The following CNBD2 variants were observed in gnomAD, a reference collection of about 807,000 sequenced individuals.
CNBD2 encodes cyclic nucleotide binding domain containing 2.
In CNBD2, 64 loss-of-function variants were observed where a neutral mutation model predicts 63.7. The ratio of observed to expected loss-of-function variants is 1.00; its 90% CI spans 0.82 to 1.24. CNBD2 has a LOEUF of 1.24. Ranked by LOEUF, CNBD2 falls within the 50% of genes most tolerant of loss-of-function variation. The pLI, the probability that CNBD2 is intolerant of heterozygous loss-of-function variation, is 0.00. For missense variants in CNBD2, 691 were observed against 713.5 expected (o/e 0.97, Z 0.36); for synonymous variants, 229 against 255.4 (o/e 0.90, Z 0.99).
chr20:35,978,639 C>T (rs552910354), intron 3 of CNBD2, among the ~76,000 whole-genome samples: 83 of 152,264 alleles, frequency 5.5e-4, no homozygotes, highest in African/African-American at 1.9e-3. Context: ...CCACCGTGCC[C>T]GGCCCAATGC....
rs546991034 is a variant in CNBD2 at position 36,004,186 on chromosome 20, A to T, written c.971-4111A>T. On this transcript the variant is annotated intron_variant, in intron 8 of 11. Coordinates refer to ENST00000373973, the MANE Select transcript of CNBD2 (RefSeq NM_001365709.1). Reference sequence around the variant, plus strand: ...CACACTTAATGGGAGGGTATTACACAAGTGTGTGACTAGTAGGAGGTGGGG... The same window carrying T: ...CACACTTAATGGGAGGGTATTACACTAGTGTGTGACTAGTAGGAGGTGGGG... 6.8e-4 allele frequency among the ~76,000 whole-genome samples: 104 copies of T among 152,292 alleles called. 1 individual carries two copies. Among genetic ancestry groups the T allele is most frequent in the Admixed American group, 1.2e-3 (18 of 15,286 alleles).
intron 3 of CNBD2, among the ~76,000 whole-genome samples, chr20:35,978,866 C>CA (rs1413456323): frequency 6.6e-6 from 1 of 152,154 alleles, no homozygotes; most frequent in African/African-American, 2.4e-5. Context: ...GTGGTAAACT[C>CA]AGATGGTGGG....
At chr20:35,984,952 G>A (rs1326518997) in intron 6 of CNBD2, among the ~76,000 whole-genome samples, 174 bp downstream of exon 6, 2 of 151,792 alleles carry the variant, frequency 1.3e-5, no homozygotes, top group African/African-American at 4.8e-5. Flanking sequence ...CTATCCCTTC[G>A]GGTCTCAGCT....
chr20:36,012,172 C>T (rs990287714), intron 10 of CNBD2, among the ~76,000 whole-genome samples: 5 of 152,096 alleles, frequency 3.3e-5, no homozygotes, highest in African/African-American at 9.7e-5. Context: ...TGGTGGCACA[C>T]ACCTGTAATC....
At chr20:35,973,165 T>C (rs999464099) in intron 2 of CNBD2, 3 of 288,130 alleles carry the variant, frequency 1.0e-5, no homozygotes, top group African/African-American at 6.5e-5. Flanking sequence ...CACTCCTCAA[T>C]GTAAAAGGAG....
intron 7 of CNBD2, among the ~76,000 whole-genome samples, chr20:35,993,834 C>CATGCACCA (rs2056781880): frequency 6.6e-6 from 1 of 150,448 alleles, no homozygotes; most frequent in Non-Finnish European, 1.5e-5. Flanking sequence ...GAACTACAGG[C>CATGCACCA]ATGCACCACC....
intron 10 of CNBD2, among the ~76,000 whole-genome samples, chr20:36,022,952 G>A (rs6060759): frequency 6.6e-6 from 1 of 152,018 alleles, no homozygotes; most frequent in African/African-American, 2.4e-5. Context: ...TAAGTCCTAA[G>A]GAAGAGAAAA....
chr20:35,992,173 G>A (rs113408723), intron 7 of CNBD2, among the ~76,000 whole-genome samples: 4,963 of 152,164 alleles, frequency 0.033, 296 homozygotes, highest in African/African-American at 0.11. Context: ...GAACCACCGC[G>A]CCTGGCGGGG....
chr20:35,964,108 C>A (rs1427209594), upstream of CNBD2, among the ~76,000 whole-genome samples: 1 of 152,232 alleles, frequency 6.6e-6, no homozygotes, highest in East Asian at 1.9e-4. Flanking sequence ...CATAACCACA[C>A]CTCCTGAGCA....
At position 35,968,775 on chromosome 20, in the gene CNBD2, A is replaced by G; in HGVS notation, c.13A>G (p.Met5Val). The change falls in exon 1 of 12, where the codon ATG becomes GTG. Residue 5 changes from methionine to valine, a missense_variant. Physicochemically the swap from Met to Val is conservative, Grantham distance 21. Transcript: ENST00000373973. ...CTGCACAGGAACCATGAGGAGACAT[A>G]TGGTAACTTATGCCTGGCAGCTCCT... The part of the protein sequence containing the change: MRRH[M>V]VTYAWQLLKK... 1 of 1,609,110 alleles carries G rather than the reference A, an allele frequency of 6.2e-7. No homozygotes were observed. The highest frequency in any genetic ancestry group is 8.5e-7 in the Non-Finnish European group (1 of 1,178,338).
rs762461577 is a variant in CNBD2 at position 35,980,442 on chromosome 20, T to C, written c.244-17T>C. 5 of 1,613,858 alleles carry C rather than the reference T, an allele frequency of 3.1e-6. No homozygotes were observed. The highest frequency in any genetic ancestry group is 1.3e-5 in the African/African-American group (1 of 75,044). On this transcript the variant is annotated splice_polypyrimidine_tract_variant and intron_variant, in intron 3 of 11. Transcript: ENST00000373973. ...AATTGCTGGGTCCCCTGTATCACTC[T>C]GGTCCTCTCTCCCCAGGGTCACTTT...
intron 10 of CNBD2, among the ~76,000 whole-genome samples, chr20:36,012,036 C>A (rs2794375): frequency 6.6e-6 from 1 of 151,996 alleles, no homozygotes; most frequent in South Asian, 2.1e-4. Flanking sequence ...TGGTGGCTCA[C>A]GCCTGTAATC....
intron 2 of CNBD2, among the ~76,000 whole-genome samples, chr20:35,960,772 CCTTCTCTTCCATTCT>C (rs1601001037): frequency 1.5e-3 from 139 of 92,460 alleles, no homozygotes; most frequent in South Asian, 4.6e-3. Context: ...CCTTCTCTTC[CCTTCTCTTCCATTCT>C]CTTCCCTTCT....
At chr20:35,987,315 G>C (rs1445238526) in intron 6 of CNBD2, 80 bp from the exon 7 acceptor site, 14 of 1,509,594 alleles carry the variant, frequency 9.3e-6, no homozygotes, top group Middle Eastern at 2.2e-4. Flanking sequence ...CAGGAGAAGA[G>C]TATGTGCCCT....
At chr20:36,023,802 C>G in intron 11 of CNBD2, 31 bp downstream of exon 11, 7 of 1,531,204 alleles carry the variant, frequency 4.6e-6, no homozygotes, top group Non-Finnish European at 6.2e-6. Context: ...TAAGTCCCAT[C>G]AGGTGAAATG....
intron 8 of CNBD2, among the ~76,000 whole-genome samples, chr20:35,998,606 C>T (rs1179801628): frequency 6.6e-6 from 1 of 151,858 alleles, no homozygotes; most frequent in East Asian, 2.0e-4. Flanking sequence ...TGGTGGTTCA[C>T]GCGTGTAATC....
chr20:36,019,460 T>C (rs537899150), intron 10 of CNBD2, among the ~76,000 whole-genome samples: 44 of 147,854 alleles, frequency 3.0e-4, no homozygotes, highest in African/African-American at 1.1e-3. Context: ...GAGGCTGAGA[T>C]TGTAGTGAGC....
At chr20:35,962,328 G>A (rs1034363982) in intron 2 of CNBD2, among the ~76,000 whole-genome samples, 10 of 147,124 alleles carry the variant, frequency 6.8e-5, no homozygotes, top group African/African-American at 2.3e-4. Context: ...GCACGATCTC[G>A]GCTCACTGCA....
chr20:36,027,597 C>T (rs1028696637), intron 11 of CNBD2, among the ~76,000 whole-genome samples: 2 of 151,848 alleles, frequency 1.3e-5, no homozygotes, highest in African/African-American at 4.8e-5. Context: ...TGTGATCTGA[C>T]AGATCTTGTT....
Sources: gnomAD v4.1 joint callset for allele counts (sites outside exome capture counted in the v4.1 genomes callset) on GRCh38, gnomAD v4.1.1 for gene constraint, MANE v1.5 for transcripts, NCBI Gene and HGNC (gene_info 2026-07-23, HGNC 2026-07-21) for gene names.